USP45: variants seen among roughly 807,000 people sequenced by gnomAD.
USP45 encodes ubiquitin carboxyl-terminal hydrolase 45.
A neutral mutation model predicts 95.8 loss-of-function variants in USP45; 89 were observed. The ratio of observed to expected loss-of-function variants is 0.93; its 90% CI spans 0.78 to 1.11. The LOEUF (loss-of-function observed/expected upper bound fraction) is 1.11. Among genes scored for constraint, USP45 ranks in the 50% least tolerant of loss-of-function variants. The probability of loss-of-function intolerance (pLI) is 0.00; values close to 1 mark genes in which losing one functional copy is unlikely to be tolerated. For missense variants in USP45, 898 were observed against 942.5 expected (o/e 0.95, Z 0.62); for synonymous variants, 281 against 316.2 (o/e 0.89, Z 1.18).
chr6:99,504,392 G>A (rs976473919), intron 4 of USP45, among the ~76,000 whole-genome samples: 6 of 151,984 alleles, frequency 3.9e-5, no homozygotes, highest in Admixed American at 2.0e-4. Context: ...CACCCGCCTC[G>A]GCCTCCCAAA....
intron 17 of USP45, among the ~76,000 whole-genome samples, chr6:99,436,490 A>G (rs1253306922): frequency 6.6e-6 from 1 of 152,148 alleles, no homozygotes; most frequent in Non-Finnish European, 1.5e-5. Flanking sequence ...CGGAAGGCAG[A>G]GGTTGCAGTG....
rs1471666560 is a variant in USP45 at position 99,433,405 on chromosome 6, GTTA to G, written c.*2308_*2310del. 2.0e-5 allele frequency: 3 copies of G among 152,472 alleles called. No homozygotes were observed. The highest frequency in any genetic ancestry group is 7.2e-5 in the African/African-American group (3 of 41,402). The allele number at this position is 152,472 out of a possible 1,614,324, so 9.4% of individuals were successfully genotyped here. ...TTCCTGAGGTGATCCAGAAACTACT[GTTA>G]TTATAGTAGACTTGCTACTATATAC... On this transcript the variant is annotated 3_prime_UTR_variant, in exon 18 of 18. Transcript: ENST00000500704.
Position 99,491,883 on chromosome 6 carries a change from CTA to C in USP45, c.479-3065_479-3064del, listed in dbSNP as rs142925194. The stretch of plus-strand genomic sequence containing the variant: ...GGAAGAAATAACCTATAGATAATAA[CTA>C]TATATGTTTTATATACTTATGAAAT... On this transcript the variant is annotated intron_variant, in intron 5 of 17. Coordinates refer to ENST00000500704, the MANE Select transcript of USP45 (RefSeq NM_001346022.3). Among the ~76,000 whole-genome samples, 444 of 151,844 alleles carry C rather than the reference CTA, an allele frequency of 2.9e-3. 2 individuals carry two copies. The highest frequency in any genetic ancestry group is 0.01 in the African/African-American group (428 of 41,440).
At chr6:99,507,673 T>A in intron 3 of USP45, 142 bp from the exon 4 acceptor site, 1 of 596,110 alleles carries the variant, frequency 1.7e-6, no homozygotes, top group Non-Finnish European at 2.9e-6. Flanking sequence ...AAAAGTAATA[T>A]GGATTCTCAT....
At chr6:99,470,358 T>C (rs1451506692) in intron 9 of USP45, among the ~76,000 whole-genome samples, 2 of 152,220 alleles carry the variant, frequency 1.3e-5, no homozygotes, top group African/African-American at 4.8e-5. Context: ...GTGTATGATA[T>C]ATGTTTTTTA....
rs1800631584 is a variant in USP45 at position 99,514,338 on chromosome 6, G to C, written c.-11+1054C>G. On this transcript the variant is annotated intron_variant, in intron 1 of 17. Transcript: ENST00000500704. ...CGCAGGGAAGCCCATTAAAGACTTG[G>C]TGTCCCGGATTTTTACAGAAGCTGG... is the stretch of plus-strand genomic sequence containing the variant. Among the ~76,000 whole-genome samples, 3 of 152,108 alleles carry C rather than the reference G, an allele frequency of 2.0e-5. No homozygotes were observed. In the South Asian group the frequency reaches 6.2e-4, roughly 31 times the overall value.
At chr6:99,436,543 G>A (rs1276038429) in intron 17 of USP45, among the ~76,000 whole-genome samples, 1 of 151,982 alleles carries the variant, frequency 6.6e-6, no homozygotes, top group African/African-American at 2.4e-5. Context: ...GTGACAAAGT[G>A]AGACCTCATT....
chr6:99,460,715 A>C (rs1346828385), intron 13 of USP45: 2 of 892,594 alleles, frequency 2.2e-6, no homozygotes, highest in African/African-American at 3.6e-5. Flanking sequence ...AAAGATTGAA[A>C]TTTTCTTAAT....
At chr6:99,453,173 G>GAA (rs35773193) in intron 13 of USP45, among the ~76,000 whole-genome samples, 70,017 of 140,556 alleles carry the variant, frequency 0.5, 17,774 homozygotes, top group African/African-American at 0.61. Flanking sequence ...ACTTAAAAAA[G>GAA]AAAAAAAAAA....
chr6:99,469,447 T>A (rs939924335), intron 9 of USP45, among the ~76,000 whole-genome samples: 11 of 144,798 alleles, frequency 7.6e-5, no homozygotes, highest in East Asian at 2.0e-4. Context: ...TTCCAAAAAA[T>A]ATATATATAA....
rs919137006 is a variant in USP45 at position 99,503,784 on chromosome 6, A to G, written c.459T>C (p.His153=). 7 of 1,598,078 alleles carry G rather than the reference A, an allele frequency of 4.4e-6. No homozygotes were observed. In the African/African-American group the frequency reaches 8.1e-5, roughly 18 times the overall value. ...LAQIVDFLQK[H]ASKTQTSAFS... ...ACTTACTTGTTTGTGTTTTAGAAGCATGTTTCTGGAGAAAATCAACTATCT... is the reference window on the plus strand; with the variant it reads ...ACTTACTTGTTTGTGTTTTAGAAGCGTGTTTCTGGAGAAAATCAACTATCT... The change falls in exon 5 of 18, where the codon CAT becomes CAC. Residue 153 remains histidine (H), a synonymous_variant. Coordinates refer to ENST00000500704, the MANE Select transcript of USP45 (RefSeq NM_001346022.3).
chr6:99,460,103 C>T (rs1240021200), intron 13 of USP45, among the ~76,000 whole-genome samples: 1 of 152,112 alleles, frequency 6.6e-6, no homozygotes, highest in Non-Finnish European at 1.5e-5. Flanking sequence ...TTCACATTAC[C>T]ATATCTTGGT....
chr6:99,488,909 T>A (rs960412553), intron 5 of USP45, 89 bp from the exon 6 acceptor site: 4 of 978,278 alleles, frequency 4.1e-6, no homozygotes, highest in Non-Finnish European at 5.6e-6. Context: ...AAAATTAAAT[T>A]TAAATAAGAT....
intron 9 of USP45, among the ~76,000 whole-genome samples, chr6:99,475,380 G>A (rs1403133030): frequency 2.1e-5 from 3 of 145,236 alleles, no homozygotes; most frequent in Admixed American, 7.1e-5. Context: ...GCAGTGGCAC[G>A]ATCTCGGCTC....
intron 12 of USP45, 31 bp from the exon 13 acceptor site, chr6:99,464,778 C>A (rs759790228): frequency 6.5e-7 from 1 of 1,543,810 alleles, no homozygotes; most frequent in Non-Finnish European, 8.7e-7. Context: ...GAAACCAAAA[C>A]CTCTTTAGTA....
chr6:99,516,350 T>A (rs1269714779), upstream of USP45, among the ~76,000 whole-genome samples: 1 of 152,192 alleles, frequency 6.6e-6, no homozygotes, highest in Non-Finnish European at 1.5e-5. Context: ...TATGGATAGG[T>A]TCTAAAAGTC....
chr6:99,436,306 C>T (rs1582917244), intron 17 of USP45, among the ~76,000 whole-genome samples: 1 of 152,108 alleles, frequency 6.6e-6, no homozygotes, highest in Admixed American at 6.6e-5. Flanking sequence ...AATCTCAGCA[C>T]TTGGGGAGGC....
At chr6:99,463,685 G>A (rs527488474) in intron 13 of USP45, among the ~76,000 whole-genome samples, 3 of 151,012 alleles carry the variant, frequency 2.0e-5, no homozygotes, top group Non-Finnish European at 3.0e-5. Flanking sequence ...GGTGACATGC[G>A]CCTGTACTCC....
intron 7 of USP45, among the ~76,000 whole-genome samples, chr6:99,484,902 A>G (rs1793487105): frequency 6.6e-6 from 1 of 152,152 alleles, no homozygotes; most frequent in Admixed American, 6.5e-5. Flanking sequence ...AAGTTACCTC[A>G]AGGGTCAAAA....
Sources: allele counts gnomAD v4.1 joint callset (sites outside exome capture counted in the v4.1 genomes callset), GRCh38; gene constraint gnomAD v4.1.1; transcripts MANE v1.5; gene names NCBI Gene and HGNC (gene_info 2026-07-23, HGNC 2026-07-21).